Variants in MAN2A1 observed in about 807,000 individuals in gnomAD.
The protein encoded by MAN2A1 is alpha-mannosidase 2.
A neutral mutation model predicts 142.6 loss-of-function variants in MAN2A1; 76 were observed. The observed-to-expected ratio is 0.53, with a 90% CI of 0.44 to 0.65. The LOEUF (loss-of-function observed/expected upper bound fraction) is 0.65. MAN2A1 is among the 30% of genes least tolerant of loss of function. MAN2A1 has a pLI of 0.00. For synonymous variants in MAN2A1, 559 were observed against 473.2 expected (o/e 1.18, Z -2.35); for missense variants, 1,311 against 1,365.1 (o/e 0.96, Z 0.62).
chr5:109,736,679 TG>T (rs1188744494), intron 4 of MAN2A1, among the ~76,000 whole-genome samples: 2 of 152,184 alleles, frequency 1.3e-5, no homozygotes, highest in Non-Finnish European at 2.9e-5. Context: ...TTACTTGTTT[TG>T]GGAATCTGAT....
chr5:109,740,742 C>A (rs1326414183), intron 4 of MAN2A1, among the ~76,000 whole-genome samples: 1 of 152,144 alleles, frequency 6.6e-6, no homozygotes, highest in Non-Finnish European at 1.5e-5. Flanking sequence ...CTTATTTATG[C>A]TGGGATTCCA....
Position 109,866,962 on chromosome 5 carries a change from A to G in MAN2A1, c.3399A>G (p.Pro1133=), listed in dbSNP as rs770068143. The G allele has an allele frequency of 2.5e-6, 4 of 1,612,034 alleles. No homozygotes were observed. The highest frequency in any genetic ancestry group is 3.4e-6 in the Non-Finnish European group (4 of 1,178,970). ...TQNISEINLS[P]MEISTFRIQL... ...ATATAAGTGAGATCAACTTGAGTCC[A>G]ATGGAAATCAGCACATTCCGAATCC... Residue 1133 remains proline, a synonymous_variant, in exon 22 of 22, where the codon CCA becomes CCG. Coordinates refer to ENST00000261483, the MANE Select transcript of MAN2A1 (RefSeq NM_002372.4).
At position 109,868,081 on chromosome 5, in the gene MAN2A1, T is replaced by C. The variant is rs1198436679; in HGVS notation, c.*1083T>C. On this transcript the variant is annotated 3_prime_UTR_variant, in exon 22 of 22. Coordinates refer to ENST00000261483, the MANE Select transcript of MAN2A1 (RefSeq NM_002372.4). ...AAACAAGGAAGGAAAATATTGTTAA[T>C]TAAAATGTGCTGCTGCCAAGGAAAC... is the stretch of plus-strand genomic sequence containing the variant. The C allele has an allele frequency of 1.3e-5, 2 of 152,202 alleles. No homozygotes were observed. Among genetic ancestry groups the C allele is most frequent in the African/African-American group, 4.8e-5 (2 of 41,456 alleles). 9.4% of individuals were successfully genotyped at this position (152,202 alleles called of 1,614,324 possible). A position where few individuals can be genotyped will look rare whatever the true frequency, so the allele number is the denominator to read the frequency against.
At chr5:109,789,599 TTTAG>T in intron 12 of MAN2A1, 72 bp downstream of exon 12, 1 of 1,008,644 alleles carries the variant, frequency 9.9e-7, no homozygotes, top group South Asian at 1.7e-5. Context: ...GGTTCTGGTT[TTTAG>T]TTAGCGTATA....
rs893870740 is a variant in MAN2A1 at position 109,859,150 on chromosome 5, T to G, written c.3171+3816T>G. ...TGAGAGTTAGAGCTAAGTTAAATGA[T>G]AAAAATAAAATCACCCAGTGGTAAA... On this transcript the variant is annotated intron_variant, in intron 20 of 21. Transcript: ENST00000261483. 2.5e-4 allele frequency among the ~76,000 whole-genome samples: 38 copies of G among 152,206 alleles called. 1 individual carries two copies. Among genetic ancestry groups the G allele is most frequent in the Non-Finnish European group, 4.9e-4 (33 of 68,032 alleles).
chr5:109,760,651 A>T (rs1752817269), intron 5 of MAN2A1, among the ~76,000 whole-genome samples: 1 of 152,022 alleles, frequency 6.6e-6, no homozygotes, highest in Non-Finnish European at 1.5e-5. Flanking sequence ...TTGTTTCCTC[A>T]CTTTTTAATG....
At chr5:109,775,773 A>G (rs1753273577) in intron 8 of MAN2A1, among the ~76,000 whole-genome samples, 1 of 152,180 alleles carries the variant, frequency 6.6e-6, no homozygotes, top group East Asian at 1.9e-4. Context: ...AAAACTAACA[A>G]TAATTTCATG....
intron 5 of MAN2A1, among the ~76,000 whole-genome samples, chr5:109,758,289 C>G (rs1276778812): frequency 6.6e-6 from 1 of 152,014 alleles, no homozygotes; most frequent in South Asian, 2.1e-4. Context: ...TACTAAGAAT[C>G]TTTTCATGTG....
chr5:109,733,499 T>C (rs749018072), intron 4 of MAN2A1, among the ~76,000 whole-genome samples: 3 of 152,212 alleles, frequency 2.0e-5, no homozygotes, highest in Admixed American at 6.5e-5. Flanking sequence ...GCTGTAGGTT[T>C]GTCATAGAAA....
chr5:109,753,871 CT>C (rs1752610830), intron 4 of MAN2A1, among the ~76,000 whole-genome samples: 1 of 151,818 alleles, frequency 6.6e-6, no homozygotes, highest in Non-Finnish European at 1.5e-5. Context: ...GTCTGTGGCA[CT>C]TAAGATAGAT....
chr5:109,839,646 T>C lies in MAN2A1; in HGVS notation c.2567-2682T>C, dbSNP rs1580305962. 3.0e-5 allele frequency among the ~76,000 whole-genome samples: 4 copies of C among 134,170 alleles called. No homozygotes were observed. In the South Asian group the frequency reaches 1.1e-3, roughly 37 times the overall value. The allele number at this position is 134,170 out of a possible 152,430, so 88.0% of individuals were successfully genotyped here. On this transcript the variant is annotated intron_variant, in intron 16 of 21. Coordinates refer to ENST00000261483, the MANE Select transcript of MAN2A1 (RefSeq NM_002372.4). ...GAACAACATAGTGAGGCCCTGTCTCTCTCTTTTTTTTTTTTTTTTTTTTAA... is the reference window on the plus strand; with the variant it reads ...GAACAACATAGTGAGGCCCTGTCTCCCTCTTTTTTTTTTTTTTTTTTTTAA...
At chr5:109,848,513 A>G (rs1375881551) in intron 19 of MAN2A1, among the ~76,000 whole-genome samples, 1 of 152,196 alleles carries the variant, frequency 6.6e-6, no homozygotes, top group Non-Finnish European at 1.5e-5. Flanking sequence ...TATAGAGAGA[A>G]CAGCCATTAG....
intron 16 of MAN2A1, chr5:109,840,536 A>G (rs978391503): frequency 3.7e-5 from 19 of 508,090 alleles, no homozygotes; most frequent in Non-Finnish European, 5.9e-5. Context: ...TTCCTTGGAC[A>G]TGGCAGAGCC....
chr5:109,776,723 T>G (rs1035214083), intron 8 of MAN2A1, among the ~76,000 whole-genome samples: 1 of 152,090 alleles, frequency 6.6e-6, no homozygotes, highest in Admixed American at 6.6e-5. Flanking sequence ...GCTTAGAACT[T>G]TTATTGTCCC....
chr5:109,768,726 G>A (rs141358300), intron 6 of MAN2A1, among the ~76,000 whole-genome samples: 1 of 152,236 alleles, frequency 6.6e-6, no homozygotes, highest in African/African-American at 2.4e-5. Flanking sequence ...AGTAAGGAAA[G>A]CATTAGCTAT....
chr5:109,807,329 C>G (rs1424550505), intron 12 of MAN2A1, among the ~76,000 whole-genome samples: 1 of 152,092 alleles, frequency 6.6e-6, no homozygotes, highest in East Asian at 1.9e-4. Context: ...ATAGTGTAAC[C>G]TGGTATATTA....
intron 3 of MAN2A1, among the ~76,000 whole-genome samples, chr5:109,723,603 G>A (rs1307601022): frequency 2.0e-5 from 3 of 152,072 alleles, no homozygotes; most frequent in Non-Finnish European, 4.4e-5. Context: ...CACACTCTTA[G>A]TACAGTTATT....
Position 109,770,561 on chromosome 5 carries a change from A to T in MAN2A1, c.1196+20A>T. The T allele has an allele frequency of 6.2e-7, 1 of 1,606,722 alleles. No individual in the cohort carries two copies. The highest frequency in any genetic ancestry group is 8.5e-7 in the Non-Finnish European group (1 of 1,175,134). ...AAGCAGGTATGAAAATGCGTATTTC[A>T]TAAGACAACATCTTGAATAAAGTAG... On this transcript the variant is annotated intron_variant, in intron 7 of 21. Transcript: ENST00000261483.
chr5:109,831,087 C>G (rs1428042614), intron 16 of MAN2A1, among the ~76,000 whole-genome samples: 3 of 152,176 alleles, frequency 2.0e-5, no homozygotes, highest in Non-Finnish European at 4.4e-5. Context: ...GTGTTTTATT[C>G]CCAGGCCCAT....
Sources: gnomAD v4.1 joint callset for allele counts (sites outside exome capture counted in the v4.1 genomes callset) on GRCh38, gnomAD v4.1.1 for gene constraint, MANE v1.5 for transcripts, NCBI Gene and HGNC (gene_info 2026-07-23, HGNC 2026-07-21) for gene names.